The following HS3ST4 variants were observed in gnomAD, a reference collection of about 807,000 sequenced individuals.
HS3ST4 encodes the protein heparan sulfate-glucosamine 3-sulfotransferase 4, also known as heparan sulfate glucosamine 3-O-sulfotransferase 4.
Under a neutral mutation model 29.2 loss-of-function variants are expected in HS3ST4, and 17 were observed. The ratio of observed to expected loss-of-function variants is 0.58; its 90% CI spans 0.40 to 0.87. The LOEUF (loss-of-function observed/expected upper bound fraction) is 0.87, where lower values mean the gene tolerates loss of function less well. HS3ST4 is among the 40% of genes least tolerant of loss of function. The pLI is 0.00. For missense variants in HS3ST4, 627 were observed against 634.5 expected, an observed-to-expected ratio of 0.99 and a Z score of 0.13; for synonymous variants, 314 against 285.7, an observed-to-expected ratio of 1.10 and a Z score of -1.00.
At chr16:26,133,132 AT>A (rs140576534) in intron 1 of HS3ST4, among the ~76,000 whole-genome samples, 142 of 149,980 alleles carry the variant, frequency 9.5e-4, no homozygotes, top group African/African-American at 1.5e-3. Flanking sequence ...CAAATGAAGT[AT>A]TTTTTTTTTC....
chr16:25,774,981 C>T (rs528583181), intron 1 of HS3ST4, among the ~76,000 whole-genome samples: 1 of 152,314 alleles, frequency 6.6e-6, no homozygotes, highest in Admixed American at 6.5e-5. Flanking sequence ...CAAGATTATG[C>T]ATCTCAGGGA....
chr16:25,731,271 T>C (rs1409167705), intron 1 of HS3ST4, among the ~76,000 whole-genome samples: 2 of 152,232 alleles, frequency 1.3e-5, no homozygotes, highest in African/African-American at 4.8e-5. Flanking sequence ...AGCTGTTCAC[T>C]GCATATCACA....
intron 1 of HS3ST4, among the ~76,000 whole-genome samples, chr16:26,081,411 A>G (rs1239716074): frequency 6.6e-6 from 1 of 152,210 alleles, no homozygotes; most frequent in African/African-American, 2.4e-5. Context: ...CTCAACAGAT[A>G]TTTACTGAGA....
chr16:25,905,212 A>G (rs908603772), intron 1 of HS3ST4, among the ~76,000 whole-genome samples: 1 of 152,162 alleles, frequency 6.6e-6, no homozygotes, highest in African/African-American at 2.4e-5. Flanking sequence ...AGGGAAGGCC[A>G]TGCTGGGATT....
chr16:25,891,848 C>A (rs941289905), intron 1 of HS3ST4, among the ~76,000 whole-genome samples: 13 of 152,172 alleles, frequency 8.5e-5, no homozygotes, highest in African/African-American at 3.1e-4. Flanking sequence ...CTTCACATTG[C>A]GACTTCACCA....
chr16:26,021,267 T>G (rs1969411326), intron 1 of HS3ST4, among the ~76,000 whole-genome samples: 1 of 152,212 alleles, frequency 6.6e-6, no homozygotes, highest in Non-Finnish European at 1.5e-5. Flanking sequence ...ACATGTCTGA[T>G]TTTCATCTTC....
intron 1 of HS3ST4, among the ~76,000 whole-genome samples, chr16:25,936,589 C>A (rs975614181): frequency 3.3e-5 from 5 of 152,090 alleles, no homozygotes; most frequent in Non-Finnish European, 7.4e-5. Flanking sequence ...TAATAAAGAT[C>A]ATAAAAAAAG....
chr16:26,075,535 G>A (rs1898651806), intron 1 of HS3ST4, among the ~76,000 whole-genome samples: 1 of 152,138 alleles, frequency 6.6e-6, no homozygotes, highest in Admixed American at 6.5e-5. Flanking sequence ...GATCTAACAG[G>A]AGCCATGCAT....
chr16:25,884,850 C>G (rs1967932850), intron 1 of HS3ST4, among the ~76,000 whole-genome samples: 1 of 152,182 alleles, frequency 6.6e-6, no homozygotes, highest in Non-Finnish European at 1.5e-5. Flanking sequence ...GTTAGGATTA[C>G]AGGCGTCAAC....
Position 25,692,288 on chromosome 16 carries a change from A to T in HS3ST4, c.-130A>T, listed in dbSNP as rs1966254771. On this transcript the variant is annotated 5_prime_UTR_variant, in exon 1 of 2. Transcript: ENST00000331351. ...GGGGCGCAGCGGCGTCGCTTCATGC[A>T]GCCGGGGCGGCTGGGCAGCGGCGGC... The T allele has an allele frequency of 6.6e-6, 1 of 152,470 alleles. No individual in the cohort carries two copies. Among genetic ancestry groups the T allele is most frequent in the Admixed American group, 7.1e-5 (1 of 14,164 alleles). 9.4% of individuals were successfully genotyped at this position (152,470 alleles called of 1,614,324 possible). A position where few individuals can be genotyped will look rare whatever the true frequency, so the allele number is the denominator to read the frequency against.
intron 1 of HS3ST4, among the ~76,000 whole-genome samples, chr16:25,741,042 G>A (rs1966648645): frequency 7.1e-6 from 1 of 140,812 alleles, no homozygotes; most frequent in Non-Finnish European, 1.5e-5. Context: ...GTGTGTGTCT[G>A]TGTGTGTGTG....
intron 1 of HS3ST4, among the ~76,000 whole-genome samples, chr16:25,968,112 G>T (rs74013225): frequency 0.068 from 10,338 of 152,088 alleles, 454 homozygotes; most frequent in African/African-American, 0.097. Flanking sequence ...GCTGGCTGGG[G>T]CAGATTTTAA....
intron 1 of HS3ST4, among the ~76,000 whole-genome samples, chr16:26,044,233 A>G (rs1284086845): frequency 1.3e-5 from 2 of 152,180 alleles, no homozygotes; most frequent in African/African-American, 4.8e-5. Context: ...CAAATCTTTC[A>G]TCAGAGCTGT....
chr16:25,828,309 T>TTC lies in HS3ST4; in HGVS notation c.734+135158_734+135159insTC, dbSNP rs1183012834. 2.9e-3 allele frequency among the ~76,000 whole-genome samples: 305 copies of TTC among 106,398 alleles called. 7 individuals are homozygous for TTC. The highest frequency in any genetic ancestry group is 4.7e-3 in the Middle Eastern group (1 of 214). 69.8% of individuals were successfully genotyped at this position (106,398 alleles called of 152,430 possible). A position where few individuals can be genotyped will look rare whatever the true frequency, so the allele number is the denominator to read the frequency against. On this transcript the variant is annotated intron_variant, in intron 1 of 1. Transcript: ENST00000331351. ...CTTTCTTTCTTTCTTTCCCTCTCTC[T>TTC]CTCTCTCTCTCTCTCTCTCTCTCTC...
intron 1 of HS3ST4, among the ~76,000 whole-genome samples, chr16:25,753,303 C>T (rs1010865344): frequency 1.1e-4 from 17 of 152,294 alleles, no homozygotes; most frequent in Non-Finnish European, 2.1e-4. Context: ...GACATTTTCA[C>T]GGGGCTGATG....
intron 1 of HS3ST4, among the ~76,000 whole-genome samples, chr16:25,788,540 C>CTTTTTTTTTTTTTTTTT (rs34729954): frequency 1.0e-5 from 1 of 99,070 alleles, no homozygotes. Flanking sequence ...TTCTTTTCTT[C>CTTTTTTTTTTTTTTTTT]TTTCTTTTTT....
At chr16:26,114,222 G>C (rs2141805335) in intron 1 of HS3ST4, among the ~76,000 whole-genome samples, 1 of 152,284 alleles carries the variant, frequency 6.6e-6, no homozygotes, top group African/African-American at 2.4e-5. Context: ...CTGAAACCCA[G>C]GGATCCACAG....
intron 1 of HS3ST4, among the ~76,000 whole-genome samples, chr16:25,873,278 TCATCCATC>T (rs879378801): frequency 4.1e-4 from 45 of 110,498 alleles, no homozygotes; most frequent in East Asian, 4.0e-3. Flanking sequence ...ATTTGTCCAT[TCATCCATC>T]CATCCATCCA....
At chr16:26,121,050 TC>T (rs1427861200) in intron 1 of HS3ST4, among the ~76,000 whole-genome samples, 4 of 152,178 alleles carry the variant, frequency 2.6e-5, no homozygotes, top group African/African-American at 9.7e-5. Flanking sequence ...CTGAGATGGA[TC>T]TTGCTCATGA....
Sources: allele counts gnomAD v4.1 joint callset (sites outside exome capture counted in the v4.1 genomes callset), GRCh38; gene constraint gnomAD v4.1.1; transcripts MANE v1.5; gene names NCBI Gene and HGNC (gene_info 2026-07-23, HGNC 2026-07-21).